LINGO2: variants seen among roughly 807,000 people sequenced by gnomAD.
The protein encoded by LINGO2 is leucine-rich repeat and immunoglobulin-like domain-containing nogo receptor-interacting protein 2.
A neutral mutation model predicts 30.6 loss-of-function variants in LINGO2; 14 were observed. That is an observed-to-expected ratio of 0.46 (90% confidence interval 0.30 to 0.72). The LOEUF (loss-of-function observed/expected upper bound fraction) is 0.72, where lower values mean the gene tolerates loss of function less well. Among genes scored for constraint, LINGO2 ranks in the 30% least tolerant of loss-of-function variants. The pLI, the probability that LINGO2 is intolerant of heterozygous loss-of-function variation, is 0.07. For synonymous variants in LINGO2, 317 were observed against 288.5 expected (o/e 1.10, Z -1.00); for missense variants, 729 against 751.7 (o/e 0.97, Z 0.35).
At chr9:28,570,830 T>C (rs1260689239) in intron 1 of LINGO2, among the ~76,000 whole-genome samples, 1 of 151,972 alleles carries the variant, frequency 6.6e-6, no homozygotes, top group Non-Finnish European at 1.5e-5. Flanking sequence ...TATTGTGCTA[T>C]TTCTCAGAAA....
At chr9:28,191,429 T>C (rs1206551487) in intron 4 of LINGO2, among the ~76,000 whole-genome samples, 1 of 152,200 alleles carries the variant, frequency 6.6e-6, no homozygotes, top group African/African-American at 2.4e-5. Context: ...TTTCATTTTC[T>C]AACCAGCATC....
the LINGO2 span, among the ~76,000 whole-genome samples, chr9:28,954,883 T>C: frequency 6.6e-6 from 1 of 152,126 alleles, no homozygotes; most frequent in Non-Finnish European, 1.5e-5. Flanking sequence ...AGGATTTAGA[T>C]TAAGATTAAA....
chr9:28,189,669 G>GAGGA lies in LINGO2; in HGVS notation c.-87+105535_-87+105538dup, dbSNP rs67156474. On this transcript the variant is annotated intron_variant, in intron 4 of 5. Transcript: ENST00000379992. ...GGAGGGAGGAAGGAAGGAAGGAAGG[G>GAGGA]AGGAAGGAAGGAAGGGAGGAAGGAA... 8.2e-4 allele frequency among the ~76,000 whole-genome samples: 16 copies of GAGGA among 19,590 alleles called. 3 individuals carry two copies. The highest frequency in any genetic ancestry group is 2.0e-3 in the African/African-American group (9 of 4,592). 12.9% of individuals were successfully genotyped at this position (19,590 alleles called of 152,430 possible). A position where few individuals can be genotyped will look rare whatever the true frequency, so the allele number is the denominator to read the frequency against.
At chr9:29,081,531 G>A in the LINGO2 span, among the ~76,000 whole-genome samples, 4 of 151,994 alleles carry the variant, frequency 2.6e-5, no homozygotes, top group South Asian at 2.1e-4. Flanking sequence ...CAAGACAGGG[G>A]TGCCCTCTCT....
At chr9:28,444,494 C>G (rs776759338) in intron 2 of LINGO2, among the ~76,000 whole-genome samples, 2 of 152,214 alleles carry the variant, frequency 1.3e-5, no homozygotes, top group Non-Finnish European at 2.9e-5. Flanking sequence ...AACCCATTCA[C>G]CACGCTGCAG....
intron 4 of LINGO2, among the ~76,000 whole-genome samples, chr9:28,189,617 G>GAGGAAGGAAGGA (rs1819722191): frequency 6.7e-4 from 1 of 1,496 alleles, no homozygotes; most frequent in Non-Finnish European, 1.3e-3. Context: ...GGAAGGGAGG[G>GAGGAAGGAAGGA]AGGGAGGAAG....
At chr9:28,097,561 C>A (rs1433354519) in intron 4 of LINGO2, among the ~76,000 whole-genome samples, 1 of 142,846 alleles carries the variant, frequency 7.0e-6, no homozygotes, top group South Asian at 2.3e-4. Flanking sequence ...TGGAAACCAT[C>A]ATTCTCAGTA....
chr9:28,663,837 G>A (rs1828682508), intron 1 of LINGO2, among the ~76,000 whole-genome samples: 1 of 151,912 alleles, frequency 6.6e-6, no homozygotes, highest in Admixed American at 6.6e-5. Context: ...AAATGCATAA[G>A]GATTAGTATG....
At chr9:28,095,641 T>C (rs1826222156) in intron 4 of LINGO2, among the ~76,000 whole-genome samples, 2 of 152,132 alleles carry the variant, frequency 1.3e-5, no homozygotes, top group East Asian at 1.9e-4. Flanking sequence ...ATTCAGGACA[T>C]AGGCATGGGC....
intron 4 of LINGO2, among the ~76,000 whole-genome samples, chr9:28,117,933 G>C (rs62556528): frequency 1.9e-4 from 29 of 152,172 alleles, no homozygotes; most frequent in African/African-American, 7.0e-4. Flanking sequence ...AAGAATAAAG[G>C]CATGAAGTGT....
At chr9:28,068,104 C>T (rs1269022637) in intron 4 of LINGO2, among the ~76,000 whole-genome samples, 1 of 152,110 alleles carries the variant, frequency 6.6e-6, no homozygotes, top group Admixed American at 6.6e-5. Flanking sequence ...TTGATTGGAT[C>T]CCCAAATTGC....
intron 2 of LINGO2, among the ~76,000 whole-genome samples, chr9:28,464,204 T>A (rs1294126818): frequency 1.3e-5 from 2 of 152,190 alleles, no homozygotes; most frequent in Non-Finnish European, 2.9e-5. Context: ...CAACATAGGA[T>A]CTAAGCTACA....
chr9:28,922,564 A>G, the LINGO2 span, among the ~76,000 whole-genome samples: 38 of 152,346 alleles, frequency 2.5e-4, no homozygotes, highest in African/African-American at 8.7e-4. Flanking sequence ...AATTAAAATC[A>G]TATCTCAGTT....
chr9:29,165,108 C>T, the LINGO2 span, among the ~76,000 whole-genome samples: 1 of 151,966 alleles, frequency 6.6e-6, no homozygotes, highest in Admixed American at 6.6e-5. Flanking sequence ...ACTAAGAAAA[C>T]ATTTTTCAAT....
chr9:29,073,111 T>G, the LINGO2 span, among the ~76,000 whole-genome samples: 129 of 152,062 alleles, frequency 8.5e-4, no homozygotes, highest in African/African-American at 3.1e-3. Flanking sequence ...TAAACAACCG[T>G]TGTATAAATC....
At chr9:28,958,351 A>G in the LINGO2 span, among the ~76,000 whole-genome samples, 1 of 152,208 alleles carries the variant, frequency 6.6e-6, no homozygotes, top group Non-Finnish European at 1.5e-5. Flanking sequence ...AAAATATTTA[A>G]TAAGAGTATC....
At chr9:28,670,317 G>C (rs1828962694), upstream of LINGO2, 1 of 151,952 alleles carries the variant, frequency 6.6e-6, no homozygotes, top group African/African-American at 2.4e-5. Flanking sequence ...AATATTCAGA[G>C]CAATATATGT....
the LINGO2 span, among the ~76,000 whole-genome samples, chr9:28,988,092 T>C: frequency 6.6e-6 from 1 of 152,210 alleles, no homozygotes; most frequent in East Asian, 1.9e-4. Context: ...TTATTAATTT[T>C]CTGTTGAGAT....
At chr9:28,047,851 A>G (rs572030044) in intron 4 of LINGO2, among the ~76,000 whole-genome samples, 4 of 151,100 alleles carry the variant, frequency 2.6e-5, no homozygotes, top group South Asian at 4.2e-4. Flanking sequence ...AGGTAGGTAT[A>G]ATTTTTGCCA....
Sources: gnomAD v4.1 joint callset for allele counts (sites outside exome capture counted in the v4.1 genomes callset) on GRCh38, gnomAD v4.1.1 for gene constraint, MANE v1.5 for transcripts, NCBI Gene and HGNC (gene_info 2026-07-23, HGNC 2026-07-21) for gene names.